Variants in FBLN7 observed in about 807,000 individuals in gnomAD.
FBLN7 encodes fibulin-7.
A neutral mutation model predicts 44.0 loss-of-function variants in FBLN7; 31 were observed. The ratio of observed to expected loss-of-function variants is 0.70; its 90% CI spans 0.53 to 0.95. The LOEUF (loss-of-function observed/expected upper bound fraction) is 0.95, where lower values mean the gene tolerates loss of function less well. Ranked by LOEUF, FBLN7 falls within the 40% of genes least tolerant of loss-of-function variation. The probability of loss-of-function intolerance (pLI) is 0.00; values close to 1 mark genes in which losing one functional copy is unlikely to be tolerated. For synonymous variants in FBLN7, 262 were observed against 253.4 expected, an observed-to-expected ratio of 1.03 and a Z score of -0.32; for missense variants, 573 against 618.5, an observed-to-expected ratio of 0.93 and a Z score of 0.78.
At chr2:112,169,277 G>A (rs1682329110) in intron 3 of FBLN7, among the ~76,000 whole-genome samples, 2 of 152,040 alleles carry the variant, frequency 1.3e-5, no homozygotes, top group Admixed American at 1.3e-4. Context: ...CGTCTCGGGA[G>A]AAAAACAAAC....
chr2:112,187,639 C>CGCCGTGCAACGCTGCCCT lies in FBLN7; in HGVS notation c.*133_*134insGCCGTGCAACGCTGCCCT. 1 of 1,239,204 alleles carries CGCCGTGCAACGCTGCCCT rather than the reference C, an allele frequency of 8.1e-7. No individual in the cohort carries two copies. The highest frequency in any genetic ancestry group is 1.1e-6 in the Non-Finnish European group (1 of 890,138). 76.8% of individuals were successfully genotyped at this position (1,239,204 alleles called of 1,614,324 possible). A position where few individuals can be genotyped will look rare whatever the true frequency, so the allele number is the denominator to read the frequency against. On this transcript the variant is annotated 3_prime_UTR_variant, in exon 8 of 8. Coordinates refer to ENST00000331203, the MANE Select transcript of FBLN7 (RefSeq NM_153214.3). This position sits in a 1 kb window ranked among gnomAD's most constrained non-coding sequence, Gnocchi z 5.1. ...CACCAGTGCACCCAGGCTTCTAGGG[C>CGCCGTGCAACGCTGCCCT]AGCGTTGCACGGCGCCCCATGGAAT...
chr2:112,159,541 T>G (rs1573785369), intron 1 of FBLN7, 135 bp from the exon 2 acceptor site: 361 of 1,044,512 alleles, frequency 3.5e-4, no homozygotes, highest in Admixed American at 7.3e-4. Context: ...CAGCGGCAGG[T>G]CACTTTTACG....
At chr2:112,199,865 T>C in the FBLN7 span, among the ~76,000 whole-genome samples, 1 of 152,220 alleles carries the variant, frequency 6.6e-6, no homozygotes, top group African/African-American at 2.4e-5. Context: ...GAGCTCTCTC[T>C]GGCTCTCCTG....
At chr2:112,181,101 G>A (rs940985472) in intron 4 of FBLN7, among the ~76,000 whole-genome samples, 3 of 151,914 alleles carry the variant, frequency 2.0e-5, no homozygotes, top group African/African-American at 7.3e-5. Flanking sequence ...AACCAAATAC[G>A]GCATGTTCTC....
At chr2:112,238,393 T>G in the FBLN7 span, 1 of 1,613,796 alleles carries the variant, frequency 6.2e-7, no homozygotes, top group Non-Finnish European at 8.5e-7. Flanking sequence ...CTGGCTTGTA[T>G]GTACTGTTGA....
intron 4 of FBLN7, among the ~76,000 whole-genome samples, chr2:112,180,691 T>C (rs537819353): frequency 1.2e-4 from 18 of 151,864 alleles, no homozygotes; most frequent in Admixed American, 5.2e-4. Flanking sequence ...GAGGCCGAGG[T>C]GGGCAGATCA....
At chr2:112,193,137 C>A (rs1683541946), downstream of FBLN7, among the ~76,000 whole-genome samples, 1 of 152,100 alleles carries the variant, frequency 6.6e-6, no homozygotes, top group Admixed American at 6.6e-5. Context: ...ATGCTCAAGT[C>A]CCTGATAGAA....
chr2:112,234,993 C>T, the FBLN7 span, among the ~76,000 whole-genome samples: 82 of 150,588 alleles, frequency 5.4e-4, 1 homozygote, highest in South Asian at 0.012. Flanking sequence ...AATTAACACA[C>T]GCAACTAGAA....
the FBLN7 span, chr2:112,213,522 A>G: frequency 6.6e-6 from 1 of 151,944 alleles, no homozygotes; most frequent in South Asian, 2.1e-4. Flanking sequence ...CACACCTGTA[A>G]TCCCAGCACT....
the FBLN7 span, chr2:112,236,537 T>C: frequency 8.1e-6 from 13 of 1,607,444 alleles, no homozygotes; most frequent in East Asian, 2.7e-4. Context: ...GGGTCAGGTA[T>C]TCCTAGAAGC....
At chr2:112,200,718 G>A in the FBLN7 span, among the ~76,000 whole-genome samples, 3 of 151,894 alleles carry the variant, frequency 2.0e-5, no homozygotes, top group African/African-American at 7.3e-5. Flanking sequence ...TTTAGTAGAG[G>A]TGGGGTTTCG....
the FBLN7 span, among the ~76,000 whole-genome samples, chr2:112,202,823 A>C: frequency 1.3e-5 from 2 of 152,160 alleles, no homozygotes; most frequent in African/African-American, 4.8e-5. Flanking sequence ...TGAGTAGAAC[A>C]AGTTGGGAGC....
Position 112,165,124 on chromosome 2 carries a change from T to A in FBLN7, c.359T>A (p.Val120Glu), listed in dbSNP as rs763774035. 1.2e-6 allele frequency: 2 copies of A among 1,614,192 alleles called. No individual in the cohort carries two copies. The highest frequency in any genetic ancestry group is 2.2e-5 in the South Asian group (2 of 91,082). ...GFRLVGPSSV[V>E]CLPNGTWTGE... is the part of the protein sequence containing the mutation. ...CGGCTGGTCGGGCCCAGCAGCGTGG[T>A]GTGTCTTCCCAATGGCACCTGGACA... The change falls in exon 3 of 8, where the codon GTG (valine) becomes GAG (glutamate). Residue 120 changes from valine (V) to glutamate (E), a missense_variant. By Grantham distance (121) the Val-to-Glu change is moderately radical (BLOSUM62 -2). Coordinates refer to ENST00000331203, the MANE Select transcript of FBLN7 (RefSeq NM_153214.3).
intron 6 of FBLN7, among the ~76,000 whole-genome samples, chr2:112,184,745 T>C (rs116297797): frequency 0.02 from 2,980 of 146,018 alleles, 88 homozygotes; most frequent in African/African-American, 0.067. Flanking sequence ...TATATATATA[T>C]ACACACACCA....
downstream of FBLN7, among the ~76,000 whole-genome samples, chr2:112,191,101 T>A (rs4849052): frequency 2.6e-5 from 4 of 152,168 alleles, no homozygotes; most frequent in Non-Finnish European, 5.9e-5. Context: ...CCTCAGCCTC[T>A]GAGTAGCTGG....
chr2:112,143,125 TG>T (rs1387621380), intron 1 of FBLN7, among the ~76,000 whole-genome samples: 1 of 152,216 alleles, frequency 6.6e-6, no homozygotes, highest in Non-Finnish European at 1.5e-5. Flanking sequence ...CAAGTCACTT[TG>T]CAGGTTTTTG....
the FBLN7 span, chr2:112,233,363 C>T: frequency 3.2e-6 from 5 of 1,585,984 alleles, no homozygotes; most frequent in South Asian, 2.3e-5. Context: ...CAAATTTACA[C>T]TGGTCTCCCT....
At position 112,138,646 on chromosome 2, in the gene FBLN7, G is replaced by A; in HGVS notation, c.-10G>A. ...TTCCCCTCCCAGGCAGCGGGATTCC[G>A]ACTGGCAAGATGGTGCCCAGCTCTC... On this transcript the variant is annotated 5_prime_UTR_variant, in exon 1 of 8. Transcript: ENST00000331203. The A allele has an allele frequency of 6.2e-7, 1 of 1,613,764 alleles. No individual in the cohort carries two copies. Among genetic ancestry groups the A allele is most frequent in the Non-Finnish European group, 8.5e-7 (1 of 1,179,884 alleles).
At chr2:112,141,454 G>A (rs1680644449) in intron 1 of FBLN7, among the ~76,000 whole-genome samples, 1 of 152,206 alleles carries the variant, frequency 6.6e-6, no homozygotes, top group Non-Finnish European at 1.5e-5. Context: ...GGGATTCCAG[G>A]CAGGCAGAAT....
Sources: allele counts gnomAD v4.1 joint callset (sites outside exome capture counted in the v4.1 genomes callset), GRCh38; gene constraint gnomAD v4.1.1; non-coding constraint Gnocchi (gnomAD v3.1); transcripts MANE v1.5; gene names NCBI Gene and HGNC (gene_info 2026-07-23, HGNC 2026-07-21).